The following TBC1D1 variants were observed in gnomAD, a reference collection of about 807,000 sequenced individuals.
TBC1D1 encodes the protein TBC1 domain family member 1.
TBC1D1 carries 89 observed loss-of-function variants against 125.6 expected under a neutral mutation model. The observed-to-expected ratio is 0.71, with a 90% CI of 0.60 to 0.85. TBC1D1 has a LOEUF of 0.85. TBC1D1 is among the 40% of genes least tolerant of loss of function. The pLI is 0.00. For missense variants in TBC1D1, 1,377 were observed against 1,469.2 expected (o/e 0.94, Z 1.03); for synonymous variants, 565 against 564.1 (o/e 1.00, Z -0.02).
At chr4:37,935,792 G>C (rs752316490) in intron 2 of TBC1D1, among the ~76,000 whole-genome samples, 1 of 152,058 alleles carries the variant, frequency 6.6e-6, no homozygotes, top group Non-Finnish European at 1.5e-5. Flanking sequence ...TCTTACCTTC[G>C]CCATTATCCT....
At chr4:38,003,758 C>T (rs969267756) in intron 2 of TBC1D1, among the ~76,000 whole-genome samples, 1 of 151,538 alleles carries the variant, frequency 6.6e-6, no homozygotes. Context: ...GTTCCAGCTA[C>T]TTGGGAGGCT....
rs778565359 is a variant in TBC1D1 at position 38,021,574 on chromosome 4, C to T, written c.1078-12C>T. 11 of 1,511,070 alleles carry T rather than the reference C, an allele frequency of 7.3e-6. No individual in the cohort carries two copies. Among genetic ancestry groups the T allele is most frequent in the Admixed American group, 2.3e-5 (1 of 42,570 alleles). 93.6% of individuals were successfully genotyped at this position (1,511,070 alleles called of 1,614,324 possible). A position where few individuals can be genotyped will look rare whatever the true frequency, so the allele number is the denominator to read the frequency against. ...CTTTTTGGTGACTACAACTTCTCTTCTCTTTGATTAGGTTGATGAAATTAT... is the reference window on the plus strand; with the variant it reads ...CTTTTTGGTGACTACAACTTCTCTTTTCTTTGATTAGGTTGATGAAATTAT... On this transcript the variant is annotated splice_polypyrimidine_tract_variant and intron_variant, in intron 5 of 19. Transcript: ENST00000261439.
At chr4:38,041,203 A>G (rs544767577) in intron 8 of TBC1D1, among the ~76,000 whole-genome samples, 1 of 152,372 alleles carries the variant, frequency 6.6e-6, no homozygotes, top group East Asian at 1.9e-4. Context: ...AAGAAGACAT[A>G]AGGTCTTCGA....
In TBC1D1 at chr4:38,049,860, G is replaced by A. The variant is rs761804798; in HGVS notation, c.1872G>A (p.Arg624=). ...GGGTTTCGCAAAGGAAACTTATGAG[G>A]TATCACTCAGTGAGCACAGAGACGC... Residue 624 remains arginine, a synonymous_variant, in exon 11 of 20, where the codon AGG becomes AGA. Transcript: ENST00000261439. The A allele has an allele frequency of 1.3e-5, 21 of 1,614,008 alleles. No individual in the cohort carries two copies. In the South Asian group the frequency reaches 2.0e-4, roughly 15 times the overall value.
At chr4:38,061,044 G>A (rs1752653260) in intron 12 of TBC1D1, among the ~76,000 whole-genome samples, 2 of 152,226 alleles carry the variant, frequency 1.3e-5, no homozygotes, top group Non-Finnish European at 1.5e-5. Context: ...TATTTTTTGA[G>A]AAGAGTTGTG....
chr4:38,087,031 A>G (rs1757601523), intron 12 of TBC1D1, among the ~76,000 whole-genome samples: 1 of 152,142 alleles, frequency 6.6e-6, no homozygotes, highest in Non-Finnish European at 1.5e-5. Context: ...TATTTGTTTT[A>G]GCTGGAAAAT....
intron 2 of TBC1D1, among the ~76,000 whole-genome samples, chr4:37,904,476 G>T (rs151087504): frequency 1.3e-5 from 2 of 152,296 alleles, no homozygotes; most frequent in African/African-American, 4.8e-5. Flanking sequence ...GAGTTTGTGC[G>T]TGGAATCGTT....
At chr4:37,923,403 G>A (rs1236419876) in intron 2 of TBC1D1, among the ~76,000 whole-genome samples, 1 of 152,144 alleles carries the variant, frequency 6.6e-6, no homozygotes, top group Admixed American at 6.5e-5. Context: ...GAATAGTGCT[G>A]CAATAAACAT....
At chr4:37,900,489 A>G (rs1577746269) in intron 1 of TBC1D1, among the ~76,000 whole-genome samples, 1 of 151,678 alleles carries the variant, frequency 6.6e-6, no homozygotes, top group Non-Finnish European at 1.5e-5. Context: ...CTTTTAAAAT[A>G]CGTATTGAGT....
At chr4:38,075,214 G>A (rs1317642339) in intron 12 of TBC1D1, among the ~76,000 whole-genome samples, 1 of 152,218 alleles carries the variant, frequency 6.6e-6, no homozygotes, top group Admixed American at 6.5e-5. Context: ...ATGGATTAAA[G>A]TGTTTGAAAT....
chr4:38,037,112 G>A (rs928231201), intron 8 of TBC1D1, among the ~76,000 whole-genome samples: 1 of 152,042 alleles, frequency 6.6e-6, no homozygotes, highest in African/African-American at 2.4e-5. Context: ...TGCTAGAAAG[G>A]GGAATGAAGC....
chr4:38,111,947 T>A, intron 15 of TBC1D1: 2 of 985,478 alleles, frequency 2.0e-6, no homozygotes, highest in Non-Finnish European at 2.4e-6. Context: ...CCTGTCTTGC[T>A]GTGCAGTGGG....
intron 12 of TBC1D1, among the ~76,000 whole-genome samples, chr4:38,072,810 TTC>T (rs1217920728): frequency 6.6e-6 from 1 of 152,216 alleles, no homozygotes; most frequent in Non-Finnish European, 1.5e-5. Context: ...CCATTCTACT[TTC>T]TGTTTCTCTG....
chr4:38,118,414 G>T, intron 17 of TBC1D1: 1 of 573,952 alleles, frequency 1.7e-6, no homozygotes, highest in Non-Finnish European at 3.1e-6. Context: ...CATCTTGTGG[G>T]ATGTGGATCC....
At chr4:38,107,365 C>G (rs1246498291) in intron 15 of TBC1D1, among the ~76,000 whole-genome samples, 1 of 152,222 alleles carries the variant, frequency 6.6e-6, no homozygotes, top group Non-Finnish European at 1.5e-5. Flanking sequence ...TCTACACTTT[C>G]TGTTTAGTCT....
rs1275255017 is a variant in TBC1D1 at position 38,020,607 on chromosome 4, A to G, written c.989A>G (p.Asp330Gly). Residue 330 changes from aspartate to glycine, a missense_variant, in exon 5 of 20, where the codon GAC (aspartate) becomes GGC (glycine). By Grantham distance (94) the Asp-to-Gly change is moderately conservative. Around this residue, in one of 3 missense-constraint regions of TBC1D1, gnomAD observed 822 missense variants for 824.6 expected, o/e 1.00. Transcript: ENST00000261439. Reference sequence around the variant, plus strand: ...CTTTGGCAGGGCATCAGACACGTGGACCACTTTGGGTTTATCTGTCGGGAG... The same window carrying G: ...CTTTGGCAGGGCATCAGACACGTGGGCCACTTTGGGTTTATCTGTCGGGAG... 2 of 1,613,070 alleles carry G rather than the reference A, an allele frequency of 1.2e-6. No homozygotes were observed. The highest frequency in any genetic ancestry group is 2.2e-5 in the East Asian group (1 of 44,786).
chr4:37,914,103 G>A (rs911822324), intron 2 of TBC1D1, among the ~76,000 whole-genome samples: 3 of 151,920 alleles, frequency 2.0e-5, no homozygotes, highest in African/African-American at 7.3e-5. Flanking sequence ...CTGAGAACTT[G>A]GTCTCCTACA....
chr4:37,924,415 G>A (rs1231744337), intron 2 of TBC1D1, among the ~76,000 whole-genome samples: 2 of 152,050 alleles, frequency 1.3e-5, no homozygotes, highest in East Asian at 3.8e-4. Context: ...ACCATTTTTA[G>A]GTGTGCAGTT....
intron 2 of TBC1D1, among the ~76,000 whole-genome samples, chr4:37,971,760 GAA>G (rs1179103679): frequency 2.0e-5 from 3 of 152,200 alleles, no homozygotes; most frequent in African/African-American, 2.4e-5. Context: ...TCACTTGCTA[GAA>G]TATATTTCTA....
Sources: allele counts gnomAD v4.1 joint callset (sites outside exome capture counted in the v4.1 genomes callset), GRCh38; gene constraint gnomAD v4.1.1; regional missense constraint gnomAD v4.1.1; transcripts MANE v1.5; gene names NCBI Gene and HGNC (gene_info 2026-07-23, HGNC 2026-07-21).